Variants in PAG1 observed in about 807,000 individuals in gnomAD.
PAG1 encodes phosphoprotein associated with glycosphingolipid-enriched microdomains 1.
A neutral mutation model predicts 31.7 loss-of-function variants in PAG1; 23 were observed. The observed-to-expected ratio is 0.73, with a 90% CI of 0.52 to 1.03. The LOEUF is 1.03. Among genes scored for constraint, PAG1 ranks in the 50% least tolerant of loss-of-function variants. PAG1 has a pLI of 0.00. For synonymous variants in PAG1, 214 were observed against 210.3 expected (o/e 1.02, Z -0.15); for missense variants, 473 against 540.7 (o/e 0.87, Z 1.24).
At chr8:81,041,773 T>A (rs1175521931) in intron 2 of PAG1, among the ~76,000 whole-genome samples, 1 of 152,182 alleles carries the variant, frequency 6.6e-6, no homozygotes, top group African/African-American at 2.4e-5. Context: ...GAACAACTAT[T>A]GCCAATATTT....
intron 2 of PAG1, among the ~76,000 whole-genome samples, chr8:81,034,570 T>C (rs1239919938): frequency 6.6e-6 from 1 of 152,210 alleles, no homozygotes; most frequent in Non-Finnish European, 1.5e-5. Context: ...AATAAAGGGC[T>C]TCCTCCATCC....
At chr8:80,989,141 C>A (rs1339985306) in intron 5 of PAG1, among the ~76,000 whole-genome samples, 1 of 152,188 alleles carries the variant, frequency 6.6e-6, no homozygotes, top group Admixed American at 6.5e-5. Flanking sequence ...ATAGTTCATG[C>A]TGTGCAATGA....
intron 2 of PAG1, among the ~76,000 whole-genome samples, chr8:81,049,944 C>G (rs1283183426): frequency 6.6e-6 from 1 of 152,200 alleles, no homozygotes; most frequent in South Asian, 2.1e-4. Context: ...AAACCCCACG[C>G]TGGGACTGGG....
At chr8:81,050,563 A>T (rs1808711789) in intron 2 of PAG1, among the ~76,000 whole-genome samples, 1 of 152,184 alleles carries the variant, frequency 6.6e-6, no homozygotes, top group Non-Finnish European at 1.5e-5. Flanking sequence ...GGGAGAGACC[A>T]AAGCTTAGTC....
At chr8:81,085,879 T>C (rs73692331) in intron 1 of PAG1, among the ~76,000 whole-genome samples, 10,314 of 152,038 alleles carry the variant, frequency 0.068, 1,170 homozygotes, top group African/African-American at 0.23. Flanking sequence ...TGTTATAGCA[T>C]GCATTTTGGT....
chr8:81,109,506 G>A lies in PAG1; in HGVS notation c.-234+2085C>T, dbSNP rs534941561. On this transcript the variant is annotated intron_variant, in intron 1 of 8. Coordinates refer to ENST00000220597, the MANE Select transcript of PAG1 (RefSeq NM_018440.4). Reference sequence around the variant, plus strand: ...TTGAGCAAGACAGTGTTAAATACCAGTTGGTGTCTGTATCGCTAGACAGTG... The same window carrying A: ...TTGAGCAAGACAGTGTTAAATACCAATTGGTGTCTGTATCGCTAGACAGTG... Among the ~76,000 whole-genome samples, 225 of 152,316 alleles carry A rather than the reference G, an allele frequency of 1.5e-3. 1 individual carries two copies. Among genetic ancestry groups the A allele is most frequent in the African/African-American group, 5.3e-3 (222 of 41,560 alleles).
chr8:81,025,297 C>T (rs1211846400), intron 3 of PAG1, among the ~76,000 whole-genome samples: 1 of 152,108 alleles, frequency 6.6e-6, no homozygotes, highest in African/African-American at 2.4e-5. Context: ...CTGAGAAATC[C>T]TGCAATAAGT....
chr8:81,075,832 C>A (rs562315216), intron 1 of PAG1, among the ~76,000 whole-genome samples: 17 of 152,204 alleles, frequency 1.1e-4, no homozygotes, highest in Admixed American at 2.6e-4. Context: ...CACATAGTCA[C>A]TACTAAATAT....
chr8:81,104,144 T>C (rs1308782405), intron 1 of PAG1, among the ~76,000 whole-genome samples: 1 of 152,146 alleles, frequency 6.6e-6, no homozygotes, highest in Non-Finnish European at 1.5e-5. Context: ...CCGGAAACTC[T>C]AGGAGTAAAA....
At chr8:80,987,028 C>T (rs1807437948) in intron 6 of PAG1, among the ~76,000 whole-genome samples, 1 of 152,062 alleles carries the variant, frequency 6.6e-6, no homozygotes, top group Non-Finnish European at 1.5e-5. Flanking sequence ...GTTTTGTCAC[C>T]TTTAAATTGT....
rs1316922955 is a variant in PAG1 at position 81,111,632 on chromosome 8, C to G, written c.-275G>C. On this transcript the variant is annotated 5_prime_UTR_variant, in exon 1 of 9. Coordinates refer to ENST00000220597, the MANE Select transcript of PAG1 (RefSeq NM_018440.4). ...GGGAGTCTTCCTGGCGGACGGCGCT[C>G]GGAGGCAGCCTCTGCAAACTCCGGC... 1 of 151,930 alleles carries G rather than the reference C, an allele frequency of 6.6e-6. No homozygotes were observed. The highest frequency in any genetic ancestry group is 2.4e-5 in the African/African-American group (1 of 41,382). 9.4% of individuals were successfully genotyped at this position (151,930 alleles called of 1,614,324 possible). A position where few individuals can be genotyped will look rare whatever the true frequency, so the allele number is the denominator to read the frequency against.
intron 1 of PAG1, among the ~76,000 whole-genome samples, chr8:81,106,044 TTTTA>T (rs1809687884): frequency 6.6e-6 from 1 of 152,152 alleles, no homozygotes; most frequent in Non-Finnish European, 1.5e-5. Context: ...CCAATTTTAT[TTTTA>T]TTTATTTATT....
chr8:81,046,338 T>C (rs1299326828), intron 2 of PAG1, among the ~76,000 whole-genome samples: 2 of 152,162 alleles, frequency 1.3e-5, no homozygotes, highest in Non-Finnish European at 2.9e-5. Context: ...CATCCTGGTG[T>C]TTATCCATAA....
chr8:81,027,904 C>CAAAAAAA (rs35780204), intron 3 of PAG1, among the ~76,000 whole-genome samples: 11 of 52,644 alleles, frequency 2.1e-4, no homozygotes, highest in African/African-American at 3.0e-4. Flanking sequence ...GACTCCGTCT[C>CAAAAAAA]AAAAAAAAAA....
At position 81,095,157 on chromosome 8, in the gene PAG1, A is replaced by G. The variant is rs150654880; in HGVS notation, c.-234+16434T>C. Among the ~76,000 whole-genome samples the G allele has an allele frequency of 8.3e-3, 1,261 of 152,336 alleles. 19 individuals carry two copies. The highest frequency in any genetic ancestry group is 0.029 in the African/African-American group (1,198 of 41,574). ...GGTACACAAGTTGGCATTTTAAAAA[A>G]GCATTTTAACAAGTTCATTAGGTCT... On this transcript the variant is annotated intron_variant, in intron 1 of 8. Transcript: ENST00000220597.
intron 3 of PAG1, among the ~76,000 whole-genome samples, chr8:81,029,364 T>TCTCTCA (rs549247998): frequency 4.8e-5 from 7 of 145,500 alleles, no homozygotes; most frequent in African/African-American, 1.8e-4. Context: ...TCTCTCTCTC[T>TCTCTCA]CACACACACA....
At chr8:81,035,257 C>T (rs549588794) in intron 2 of PAG1, among the ~76,000 whole-genome samples, 1 of 152,186 alleles carries the variant, frequency 6.6e-6, no homozygotes, top group Admixed American at 6.5e-5. Context: ...GACTATGAGA[C>T]CCAAAGAGGA....
At chr8:81,097,620 T>G (rs935825267) in intron 1 of PAG1, among the ~76,000 whole-genome samples, 2 of 151,942 alleles carry the variant, frequency 1.3e-5, no homozygotes, top group African/African-American at 4.8e-5. Context: ...GTTCGTAATT[T>G]CACAACCAAA....
At chr8:81,002,223 T>C (rs79334769) in intron 3 of PAG1, among the ~76,000 whole-genome samples, 2 of 152,102 alleles carry the variant, frequency 1.3e-5, no homozygotes, top group Non-Finnish European at 2.9e-5. Flanking sequence ...TTTTTTTTTT[T>C]CATAATAAAA....
Sources: allele counts gnomAD v4.1 joint callset (sites outside exome capture counted in the v4.1 genomes callset), GRCh38; gene constraint gnomAD v4.1.1; transcripts MANE v1.5; gene names NCBI Gene and HGNC (gene_info 2026-07-23, HGNC 2026-07-21).